The following MAP3K13 variants were observed in gnomAD, a reference collection of about 807,000 sequenced individuals.
The protein encoded by MAP3K13 is leucine zipper-bearing kinase.
A neutral mutation model predicts 104.0 loss-of-function variants in MAP3K13; 52 were observed. The ratio of observed to expected loss-of-function variants is 0.50; its 90% CI spans 0.40 to 0.63. The LOEUF (loss-of-function observed/expected upper bound fraction) is 0.63, where lower values mean the gene tolerates loss of function less well. Ranked by LOEUF, MAP3K13 falls within the 20% of genes least tolerant of loss-of-function variation. MAP3K13 has a pLI of 0.00. For synonymous variants in MAP3K13, 394 were observed against 442.2 expected, an observed-to-expected ratio of 0.89 and a Z score of 1.37; for missense variants, 914 against 1,218.5, an observed-to-expected ratio of 0.75 and a Z score of 3.72.
At chr3:185,302,850 G>A (rs1370127897) in intron 2 of MAP3K13, among the ~76,000 whole-genome samples, 3 of 151,886 alleles carry the variant, frequency 2.0e-5, no homozygotes, top group Non-Finnish European at 4.4e-5. Context: ...TAATTGCCCT[G>A]GCCAATACTT....
At chr3:185,481,640 G>T (rs1261045018) in intron 13 of MAP3K13, among the ~76,000 whole-genome samples, 1 of 152,190 alleles carries the variant, frequency 6.6e-6, no homozygotes, top group Non-Finnish European at 1.5e-5. Context: ...TAAGTGTAAA[G>T]CCTGGAATCT....
At chr3:185,386,360 T>G (rs1560078091) in intron 1 of MAP3K13, among the ~76,000 whole-genome samples, 1 of 152,158 alleles carries the variant, frequency 6.6e-6, no homozygotes, top group East Asian at 1.9e-4. Context: ...AAAACCATGA[T>G]GAAATACCAC....
At chr3:185,370,181 T>A (rs1724083540) in intron 1 of MAP3K13, among the ~76,000 whole-genome samples, 1 of 152,172 alleles carries the variant, frequency 6.6e-6, no homozygotes, top group East Asian at 1.9e-4. Flanking sequence ...ATTCCAATTC[T>A]TTCATAGTAT....
intron 2 of MAP3K13, among the ~76,000 whole-genome samples, chr3:185,308,153 C>G (rs537047210): frequency 6.6e-6 from 1 of 152,026 alleles, no homozygotes; most frequent in African/African-American, 2.4e-5. Context: ...TGGCTTCATA[C>G]AGGGAGGAAG....
At chr3:185,413,685 G>C (rs1713578488) in intron 1 of MAP3K13, among the ~76,000 whole-genome samples, 1 of 152,126 alleles carries the variant, frequency 6.6e-6, no homozygotes, top group South Asian at 2.1e-4. Flanking sequence ...AGCTGGGTGT[G>C]GCAGCACGCA....
chr3:185,357,919 TCA>T (rs1723434446), intron 2 of MAP3K13, among the ~76,000 whole-genome samples: 1 of 152,238 alleles, frequency 6.6e-6, no homozygotes, highest in Admixed American at 6.5e-5. Context: ...TCTAATTAAC[TCA>T]CAATATTCTT....
At chr3:185,458,251 C>G (rs1396472865) in intron 7 of MAP3K13, among the ~76,000 whole-genome samples, 2 of 151,662 alleles carry the variant, frequency 1.3e-5, no homozygotes, top group African/African-American at 2.4e-5. Context: ...ACCTGTAATG[C>G]CAGCTACTTG....
chr3:185,375,597 C>T (rs62290184), intron 1 of MAP3K13, among the ~76,000 whole-genome samples: 10,223 of 151,996 alleles, frequency 0.067, 499 homozygotes, highest in East Asian at 0.13. Context: ...GAAGTTTCAG[C>T]GAGGGAGTAG....
chr3:185,365,286 C>T (rs752675680), intron 1 of MAP3K13, among the ~76,000 whole-genome samples: 3 of 152,054 alleles, frequency 2.0e-5, no homozygotes, highest in East Asian at 1.9e-4. Context: ...CAATAAAATC[C>T]TGTGTATCAG....
At position 185,423,037 on chromosome 3, in the gene MAP3K13, T is replaced by G. The variant is rs917031255; in HGVS notation, c.-85-5460T>G. On this transcript the variant is annotated intron_variant, in intron 1 of 13. Transcript: ENST00000265026. The surrounding 1 kb of genome is among the most constrained non-coding windows in gnomAD (Gnocchi z 4.1). ...AGGTTATGTGCCCTTTATGAGAATC[T>G]AATGACTAATGATCTGTCACTGTCC... Among the ~76,000 whole-genome samples, 3 of 152,200 alleles carry G rather than the reference T, an allele frequency of 2.0e-5. No individual in the cohort carries two copies. In the South Asian group the frequency reaches 6.2e-4, roughly 32 times the overall value.
At chr3:185,318,600 T>C (rs1721756735) in intron 2 of MAP3K13, among the ~76,000 whole-genome samples, 1 of 152,236 alleles carries the variant, frequency 6.6e-6, no homozygotes, top group Admixed American at 6.5e-5. Context: ...TTAGTTTTAA[T>C]TTTAATTATG....
chr3:185,419,122 T>G (rs959339409), intron 1 of MAP3K13, among the ~76,000 whole-genome samples: 3 of 151,872 alleles, frequency 2.0e-5, no homozygotes, highest in Non-Finnish European at 4.4e-5. Flanking sequence ...GTTAAAGCAA[T>G]TCTCCTGCCT....
At chr3:185,376,224 G>A (rs1431001923) in intron 1 of MAP3K13, among the ~76,000 whole-genome samples, 2 of 151,696 alleles carry the variant, frequency 1.3e-5, no homozygotes, top group South Asian at 2.1e-4. Flanking sequence ...GGCCAGGAAC[G>A]ACGATAACTG....
At chr3:185,295,354 G>A (rs1034911668) in intron 2 of MAP3K13, among the ~76,000 whole-genome samples, 1 of 152,114 alleles carries the variant, frequency 6.6e-6, no homozygotes, top group African/African-American at 2.4e-5. Context: ...ATAGGCGCCC[G>A]CCACTATGCC....
chr3:185,413,475 G>C (rs771789181), intron 1 of MAP3K13, among the ~76,000 whole-genome samples: 22 of 152,244 alleles, frequency 1.4e-4, no homozygotes, highest in African/African-American at 3.9e-4. Flanking sequence ...AAATGACTAC[G>C]TATAACTAGA....
intron 2 of MAP3K13, among the ~76,000 whole-genome samples, chr3:185,357,863 G>A (rs1272575871): frequency 2.0e-5 from 3 of 152,052 alleles, no homozygotes; most frequent in Non-Finnish European, 4.4e-5. Flanking sequence ...TCTCCAGCTG[G>A]CTAGATATTT....
At chr3:185,331,680 T>G (rs1044320530) in intron 2 of MAP3K13, among the ~76,000 whole-genome samples, 1 of 152,186 alleles carries the variant, frequency 6.6e-6, no homozygotes, top group African/African-American at 2.4e-5. Flanking sequence ...AGGAATTTTT[T>G]GAATAGATGA....
chr3:185,454,898 T>TATATATCATATATATATGAG (rs1560117839), intron 7 of MAP3K13, among the ~76,000 whole-genome samples: 2 of 85,722 alleles, frequency 2.3e-5, no homozygotes, highest in Admixed American at 1.5e-4. Context: ...ATATATGAGA[T>TATATATCATATATATATGAG]ATATATATGA....
intron 1 of MAP3K13, among the ~76,000 whole-genome samples, chr3:185,368,064 G>A (rs554267055): frequency 6.6e-6 from 1 of 152,334 alleles, no homozygotes; most frequent in East Asian, 1.9e-4. Context: ...GGGAGGCTGA[G>A]GCATGAGAAC....
Sources: gnomAD v4.1 joint callset for allele counts (sites outside exome capture counted in the v4.1 genomes callset) on GRCh38, gnomAD v4.1.1 for gene constraint, Gnocchi (gnomAD v3.1) non-coding constraint, MANE v1.5 for transcripts, NCBI Gene and HGNC (gene_info 2026-07-23, HGNC 2026-07-21) for gene names.